DTNA: variants seen among roughly 807,000 people sequenced by gnomAD.
DTNA encodes the protein dystrobrevin alpha.
Under a neutral mutation model 100.7 loss-of-function variants are expected in DTNA, and 43 were observed. That is an observed-to-expected ratio of 0.43 (90% confidence interval 0.33 to 0.55). The LOEUF (loss-of-function observed/expected upper bound fraction) is 0.55, where lower values mean the gene tolerates loss of function less well. Among genes scored for constraint, DTNA ranks in the 20% least tolerant of loss-of-function variants. The pLI is 0.04. For missense variants in DTNA, 798 were observed against 953.9 expected (o/e 0.84, Z 2.15); for synonymous variants, 349 against 347.9 (o/e 1.00, Z -0.04).
chr18:34,744,758 C>G (rs1307129443), intron 1 of DTNA, among the ~76,000 whole-genome samples: 2 of 152,162 alleles, frequency 1.3e-5, no homozygotes, highest in Admixed American at 6.5e-5. Flanking sequence ...CTGGAATTCA[C>G]TCACACATGT....
chr18:34,631,281 T>C (rs1019511974), intron 1 of DTNA, among the ~76,000 whole-genome samples: 1 of 152,134 alleles, frequency 6.6e-6, no homozygotes, highest in East Asian at 1.9e-4. Context: ...ATTTATAGAG[T>C]TGGCATGAAG....
At position 34,719,474 on chromosome 18, in the gene DTNA, TC is replaced by T. The variant is rs1568310702; in HGVS notation, c.-2+9034del. Among the ~76,000 whole-genome samples, 2 of 152,034 alleles carry T rather than the reference TC, an allele frequency of 1.3e-5. 1 individual carries two copies. The highest frequency in any genetic ancestry group is 3.9e-4 in the East Asian group (2 of 5,186). On this transcript the variant is annotated intron_variant, in intron 1 of 22. Transcript: ENST00000444659. ...AATTAAGGCCCGAGAGGTTAAGTAA[TC>T]CCCCAAACAGCATACAGTTAATCAG... is the stretch of plus-strand genomic sequence containing the variant.
intron 1 of DTNA, among the ~76,000 whole-genome samples, chr18:34,733,848 A>G (rs1239479733): frequency 6.6e-6 from 1 of 152,112 alleles, no homozygotes; most frequent in Non-Finnish European, 1.5e-5. Flanking sequence ...TTTAATCCAT[A>G]TTTCAGCTAA....
chr18:34,844,709 A>C (rs1175822691), intron 13 of DTNA, among the ~76,000 whole-genome samples: 1 of 152,178 alleles, frequency 6.6e-6, no homozygotes, highest in Non-Finnish European at 1.5e-5. Context: ...TTGCATTTAT[A>C]TATGCTATAT....
chr18:34,581,785 C>T lies in DTNA; in HGVS notation c.-2+88271C>T, dbSNP rs9965134. On this transcript the variant is annotated intron_variant, in intron 1 of 19. Transcript: ENST00000283365. ...ACTACAGGTGCACACCACCATGCCC[C>T]GCTAATTTTTGTAATTTTAATAGAG... is the stretch of plus-strand genomic sequence containing the variant. Among the ~76,000 whole-genome samples the T allele has an allele frequency of 2.3e-3, 356 of 151,612 alleles. 3 individuals carry two copies. Among genetic ancestry groups the T allele is most frequent in the Non-Finnish European group, 4.3e-3 (292 of 67,880 alleles).
At chr18:34,780,071 G>A (rs1461432289) in intron 3 of DTNA, among the ~76,000 whole-genome samples, 2 of 150,304 alleles carry the variant, frequency 1.3e-5, no homozygotes, top group East Asian at 3.9e-4. Context: ...GGAAAAAGGG[G>A]TTACTTATAA....
At chr18:34,838,246 C>T in intron 12 of DTNA, 75 bp downstream of exon 12, 2 of 1,515,768 alleles carry the variant, frequency 1.3e-6, no homozygotes, top group Non-Finnish European at 9.1e-7. Context: ...GTCAAAAATG[C>T]TTTGTGTGTG....
chr18:34,655,238 A>G (rs974893624), intron 1 of DTNA, among the ~76,000 whole-genome samples: 1 of 152,112 alleles, frequency 6.6e-6, no homozygotes, highest in African/African-American at 2.4e-5. Context: ...CCTTCTCTGA[A>G]TCGGTTATTG....
chr18:34,665,319 T>A (rs1040274324), intron 1 of DTNA, among the ~76,000 whole-genome samples: 1 of 152,172 alleles, frequency 6.6e-6, no homozygotes, highest in Non-Finnish European at 1.5e-5. Flanking sequence ...TAAGAATTTG[T>A]CAATGAAATT....
At chr18:34,622,015 G>A (rs2056591234) in intron 1 of DTNA, among the ~76,000 whole-genome samples, 1 of 152,080 alleles carries the variant, frequency 6.6e-6, no homozygotes, top group Non-Finnish European at 1.5e-5. Context: ...CAGAGGGGAG[G>A]AATTGGGAGA....
intron 1 of DTNA, among the ~76,000 whole-genome samples, chr18:34,668,014 T>G (rs2076188696): frequency 6.6e-6 from 1 of 152,240 alleles, no homozygotes; most frequent in Non-Finnish European, 1.5e-5. Context: ...CAGCTCCTCC[T>G]TGTACCTCTG....
At position 34,551,625 on chromosome 18, in the gene DTNA, T is replaced by C. The variant is rs141654118; in HGVS notation, c.-2+58111T>C. ...GGCTGAGGTCCCTAGCAGCCTGTCT[T>C]CATCTCTCCAGCTTTCAGAGGATAC... On this transcript the variant is annotated intron_variant, in intron 1 of 19. Transcript: ENST00000283365. 3.6e-4 allele frequency among the ~76,000 whole-genome samples: 55 copies of C among 152,290 alleles called. 1 individual carries two copies. In the East Asian group the frequency reaches 4.6e-3, roughly 13 times the overall value.
chr18:34,762,862 T>G (rs1174165625), intron 2 of DTNA, among the ~76,000 whole-genome samples: 1 of 152,148 alleles, frequency 6.6e-6, no homozygotes, highest in African/African-American at 2.4e-5. Context: ...GTCAGTTAAG[T>G]CCACACAGTG....
intron 1 of DTNA, among the ~76,000 whole-genome samples, chr18:34,740,067 G>A (rs1287261938): frequency 6.6e-6 from 1 of 152,172 alleles, no homozygotes; most frequent in African/African-American, 2.4e-5. Context: ...CACTGTGGGA[G>A]TTCCAAGTAT....
intron 1 of DTNA, among the ~76,000 whole-genome samples, chr18:34,528,055 T>C (rs1308461141): frequency 2.6e-5 from 4 of 152,228 alleles, no homozygotes; most frequent in East Asian, 1.9e-4. Context: ...TTTAATTCTA[T>C]TTTTATATCT....
At chr18:34,581,418 C>T (rs1397820348) in intron 1 of DTNA, among the ~76,000 whole-genome samples, 1 of 152,126 alleles carries the variant, frequency 6.6e-6, no homozygotes, top group Non-Finnish European at 1.5e-5. Flanking sequence ...AGGTTAACCT[C>T]ATTTTGAAAA....
Position 34,889,968 on chromosome 18 carries a change from G to A in DTNA, c.*2234G>A. The A allele has an allele frequency of 9.0e-7, 1 of 1,113,990 alleles. No individual in the cohort carries two copies. The highest frequency in any genetic ancestry group is 1.1e-6 in the Non-Finnish European group (1 of 909,618). 69.0% of individuals were successfully genotyped at this position (1,113,990 alleles called of 1,614,324 possible). A position where few individuals can be genotyped will look rare whatever the true frequency, so the allele number is the denominator to read the frequency against. On this transcript the variant is annotated 3_prime_UTR_variant, in exon 23 of 23. Coordinates refer to ENST00000444659, the MANE Select transcript of DTNA (RefSeq NM_001386795.1). ...CCACTGGTGCCTCATACTCAGTATT[G>A]AAAACCACTACATCCCAGCTACCTA...
intron 1 of DTNA, among the ~76,000 whole-genome samples, chr18:34,702,645 T>C (rs894549443): frequency 4.6e-5 from 7 of 152,168 alleles, no homozygotes; most frequent in African/African-American, 1.7e-4. Flanking sequence ...CCCATTCCAA[T>C]TAATAACTTG....
intron 1 of DTNA, among the ~76,000 whole-genome samples, chr18:34,573,638 A>G (rs976743308): frequency 2.0e-5 from 3 of 152,236 alleles, no homozygotes; most frequent in Admixed American, 1.3e-4. Flanking sequence ...CAGTATGTAT[A>G]TATTGTGGAA....
Sources: gnomAD v4.1 joint callset for allele counts (sites outside exome capture counted in the v4.1 genomes callset) on GRCh38, gnomAD v4.1.1 for gene constraint, MANE v1.5 for transcripts, NCBI Gene and HGNC (gene_info 2026-07-23, HGNC 2026-07-21) for gene names.